The following CCNJ variants were observed in gnomAD, a reference collection of about 807,000 sequenced individuals.
CCNJ encodes cyclin-J.
CCNJ carries 12 observed loss-of-function variants against 41.4 expected under a neutral mutation model. The ratio of observed to expected loss-of-function variants is 0.29; its 90% confidence interval spans 0.19 to 0.47. CCNJ has a LOEUF of 0.47. Among genes scored for constraint, CCNJ ranks in the 20% least tolerant of loss-of-function variants. The pLI, the probability that CCNJ is intolerant of heterozygous loss-of-function variation, is 1.00. For missense variants in CCNJ, 340 were observed against 464.6 expected, an observed-to-expected ratio of 0.73 and a Z score of 2.47; for synonymous variants, 161 against 173.4, an observed-to-expected ratio of 0.93 and a Z score of 0.56.
rs1305678604 is a variant in CCNJ at position 96,060,131 on chromosome 10, G to A, written c.*1890G>A. 1 of 152,508 alleles carries A rather than the reference G, an allele frequency of 6.6e-6. No individual in the cohort carries two copies. The highest frequency in any genetic ancestry group is 2.4e-5 in the African/African-American group (1 of 41,400). 9.4% of individuals were successfully genotyped at this position (152,508 alleles called of 1,614,324 possible). On this transcript the variant is annotated 3_prime_UTR_variant, in exon 6 of 6. Transcript: ENST00000465148. ...TCAAGAAAACTTGAATTATTTGGGG[G>A]AAAGTAGGCTCAAAAGAGAATATAT... is the stretch of plus-strand genomic sequence containing the variant.
chr10:96,044,218 G>A (rs1266787856), intron 1 of CCNJ, 135 bp from the exon 2 acceptor site: 4 of 425,898 alleles, frequency 9.4e-6, no homozygotes, highest in African/African-American at 8.2e-5. Flanking sequence ...AACGACTCGG[G>A]TCGGGCTGGG....
chr10:96,044,485 C>T (rs999715988), intron 2 of CCNJ, 23 bp downstream of exon 2: 12 of 1,479,710 alleles, frequency 8.1e-6, no homozygotes, highest in Middle Eastern at 1.8e-4. Context: ...CCCGGCCTGC[C>T]TTCTCCTTCT....
At chr10:96,057,717 T>C (rs1324608362) in intron 5 of CCNJ, 113 bp from the exon 6 acceptor site, 2 of 879,132 alleles carry the variant, frequency 2.3e-6, no homozygotes, top group African/African-American at 3.4e-5. Flanking sequence ...CAGTGACTGC[T>C]ACCTGGGTAG....
Position 96,057,752 on chromosome 10 carries a change from T to G in CCNJ, c.741-78T>G. ...GTGGTGGTGGAAGAAGCTGTTGAGTTGGGGATGGGGCATGATTTTCTTGCA... is the reference window on the plus strand; with the variant it reads ...GTGGTGGTGGAAGAAGCTGTTGAGTGGGGGATGGGGCATGATTTTCTTGCA... On this transcript the variant is annotated intron_variant, in intron 5 of 5. Coordinates refer to ENST00000465148, the MANE Select transcript of CCNJ (RefSeq NM_001134375.2). 5 of 1,355,386 alleles carry G rather than the reference T, an allele frequency of 3.7e-6. No individual in the cohort carries two copies. The East Asian group carries it at 1.2e-4, about 32-fold the overall frequency. 84.0% of individuals were successfully genotyped at this position (1,355,386 alleles called of 1,614,324 possible).
At chr10:96,051,122 T>A (rs1368840827) in intron 3 of CCNJ, among the ~76,000 whole-genome samples, 1 of 152,272 alleles carries the variant, frequency 6.6e-6, no homozygotes, top group Non-Finnish European at 1.5e-5. Flanking sequence ...GTGCAACTAC[T>A]ATAAATGTGA....
At position 96,043,616 on chromosome 10, in the gene CCNJ, C is replaced by A. The variant is rs1156625755; in HGVS notation, c.-145C>A. 5.1e-6 allele frequency: 2 copies of A among 395,166 alleles called. No homozygotes were observed. The highest frequency in any genetic ancestry group is 8.9e-6 in the Non-Finnish European group (2 of 223,826). The allele number at this position is 395,166 out of a possible 1,614,324, so 24.5% of individuals were successfully genotyped here. The stretch of plus-strand genomic sequence containing the variant: ...GCGGCGCGAGCGTCCAGGCGCTGGG[C>A]TCTAGCTGAGGCCGGCGCTTAGCGG... On this transcript the variant is annotated 5_prime_UTR_variant, in exon 1 of 6. Coordinates refer to ENST00000465148, the MANE Select transcript of CCNJ (RefSeq NM_001134375.2).
At chr10:96,050,962 T>C (rs779803131) in intron 3 of CCNJ, among the ~76,000 whole-genome samples, 3 of 152,226 alleles carry the variant, frequency 2.0e-5, no homozygotes, top group Non-Finnish European at 4.4e-5. Context: ...CATCCGGTAG[T>C]GTACAGGACA....
Position 96,044,389 on chromosome 10 carries a change from G to A in CCNJ, c.-5G>A, listed in dbSNP as rs201461707. ...CGCGTCGGGCTGGGCGCGCCGCCGG[G>A]TCCCATGGAGCTGGAGGGGCAGTGG... On this transcript the variant is annotated 5_prime_UTR_variant, in exon 2 of 6. Transcript: ENST00000465148. 1.3e-6 allele frequency: 2 copies of A among 1,534,372 alleles called. No individual in the cohort carries two copies. Among genetic ancestry groups the A allele is most frequent in the Non-Finnish European group, 1.8e-6 (2 of 1,133,716 alleles).
intron 5 of CCNJ, 98 bp downstream of exon 5, chr10:96,057,345 A>G: frequency 9.5e-7 from 1 of 1,048,224 alleles, no homozygotes; most frequent in Non-Finnish European, 1.4e-6. Flanking sequence ...CAGAGTTCCT[A>G]GGTTATTTGC....
chr10:96,044,285 C>T (rs1761347221), intron 1 of CCNJ, 68 bp from the exon 2 acceptor site: 3 of 867,288 alleles, frequency 3.5e-6, no homozygotes, highest in Non-Finnish European at 4.8e-6. Flanking sequence ...AGGTCACACC[C>T]CCCGGGGAGG....
chr10:96,053,096 G>A (rs898979896), intron 3 of CCNJ, among the ~76,000 whole-genome samples: 3 of 152,180 alleles, frequency 2.0e-5, no homozygotes, highest in Admixed American at 6.5e-5. Context: ...ATGGGAAGCC[G>A]TAGGTGGTTT....
intron 2 of CCNJ, among the ~76,000 whole-genome samples, chr10:96,047,331 A>G (rs562574768): frequency 2.0e-5 from 3 of 152,242 alleles, no homozygotes; most frequent in African/African-American, 7.2e-5. Flanking sequence ...AGAAATCGGC[A>G]TCTTCCCTTT....
rs537749922 is a variant in CCNJ, at chr10:96,059,690, A to C, written c.*1449A>C. 1 of 152,644 alleles carries C rather than the reference A, an allele frequency of 6.6e-6. No individual in the cohort carries two copies. The highest frequency in any genetic ancestry group is 1.5e-5 in the Non-Finnish European group (1 of 68,010). The allele number at this position is 152,644 out of a possible 1,614,324, so 9.5% of individuals were successfully genotyped here. The stretch of plus-strand genomic sequence containing the variant: ...AGATAGCACTTGAATAGAAGGGAAA[A>C]CTGCATGGCAGATACGTGACTGCCA... On this transcript the variant is annotated 3_prime_UTR_variant, in exon 6 of 6. Coordinates refer to ENST00000465148, the MANE Select transcript of CCNJ (RefSeq NM_001134375.2).
At chr10:96,055,305 A>G (rs2080651103) in intron 3 of CCNJ, among the ~76,000 whole-genome samples, 1 of 152,206 alleles carries the variant, frequency 6.6e-6, no homozygotes. Flanking sequence ...ACAACACATG[A>G]GCTTAGAATC....
In CCNJ at chr10:96,060,523, T is replaced by G. The variant is rs1591028597; in HGVS notation, c.*2282T>G. Reference sequence around the variant, plus strand: ...AGAACCAGAACTATTTTTAAAACATTAGGTTTCAATATAAATACAACTCAC... The same window carrying G: ...AGAACCAGAACTATTTTTAAAACATGAGGTTTCAATATAAATACAACTCAC... On this transcript the variant is annotated 3_prime_UTR_variant, in exon 6 of 6. Coordinates refer to ENST00000465148, the MANE Select transcript of CCNJ (RefSeq NM_001134375.2). The G allele has an allele frequency of 6.6e-6, 1 of 152,480 alleles. No individual in the cohort carries two copies. Among genetic ancestry groups the G allele is most frequent in the South Asian group, 2.1e-4 (1 of 4,814 alleles). The allele number at this position is 152,480 out of a possible 1,614,324, so 9.4% of individuals were successfully genotyped here.
Position 96,057,149 on chromosome 10 carries a change from G to A in CCNJ, c.642G>A (p.Arg214=), listed in dbSNP as rs1325897398. The change falls in exon 5 of 6, where the codon AGG becomes AGA. Residue 214 remains arginine, a synonymous_variant. Coordinates refer to ENST00000465148, the MANE Select transcript of CCNJ (RefSeq NM_001134375.2). Reference sequence around the variant, plus strand: ...CTGCTGCATGTGTGGCTTCTTCGAGGATTATACTTCGTCTTTCTCCAACGT... The same window carrying A: ...CTGCTGCATGTGTGGCTTCTTCGAGAATTATACTTCGTCTTTCTCCAACGT... The part of the protein sequence containing the change: ...LVAAACVASS[R]IILRLSPTWP... 3.1e-6 allele frequency: 5 copies of A among 1,613,980 alleles called. No homozygotes were observed. The highest frequency in any genetic ancestry group is 1.6e-4 in the Middle Eastern group (1 of 6,084).
At chr10:96,047,357 A>T (rs545311116) in intron 2 of CCNJ, among the ~76,000 whole-genome samples, 23 of 152,138 alleles carry the variant, frequency 1.5e-4, no homozygotes, top group East Asian at 7.7e-4. Flanking sequence ...GAAAAAAAAA[A>T]TTTTTTTGGC....
rs1275528151 is a variant in CCNJ, at chr10:96,058,829, T to C, written c.*588T>C. ...ATATAACTTCGTCTCACAAATAGTGTAGGTATCTGGGTTTATATACTAAAA... is the reference window on the plus strand; with the variant it reads ...ATATAACTTCGTCTCACAAATAGTGCAGGTATCTGGGTTTATATACTAAAA... On this transcript the variant is annotated 3_prime_UTR_variant, in exon 6 of 6. Transcript: ENST00000465148. 2 of 226,206 alleles carry C rather than the reference T, an allele frequency of 8.8e-6. No homozygotes were observed. Among genetic ancestry groups the C allele is most frequent in the Non-Finnish European group, 1.7e-5 (2 of 117,586 alleles). 14.0% of individuals were successfully genotyped at this position (226,206 alleles called of 1,614,324 possible).
Position 96,058,758 on chromosome 10 carries a change from T to C in CCNJ, c.*517T>C, listed in dbSNP as rs1178115011. ...GACTAAGTTTAAACTCATGAATTGTTATGCTATACCAATCTGCAGTAAAAA... is the reference window on the plus strand; with the variant it reads ...GACTAAGTTTAAACTCATGAATTGTCATGCTATACCAATCTGCAGTAAAAA... On this transcript the variant is annotated 3_prime_UTR_variant, in exon 6 of 6. Coordinates refer to ENST00000465148, the MANE Select transcript of CCNJ (RefSeq NM_001134375.2). 5 of 355,292 alleles carry C rather than the reference T, an allele frequency of 1.4e-5. No individual in the cohort carries two copies. Among genetic ancestry groups the C allele is most frequent in the African/African-American group, 1.0e-4 (5 of 47,778 alleles). The allele number at this position is 355,292 out of a possible 1,614,324, so 22.0% of individuals were successfully genotyped here. A position where few individuals can be genotyped will look rare whatever the true frequency, so the allele number is the denominator to read the frequency against.
Sources: allele counts gnomAD v4.1 joint callset (sites outside exome capture counted in the v4.1 genomes callset), GRCh38; gene constraint gnomAD v4.1.1; transcripts MANE v1.5; gene names NCBI Gene and HGNC (gene_info 2026-07-23, HGNC 2026-07-21).